Variants in SLC27A1 observed in about 807,000 individuals in gnomAD.
The protein encoded by SLC27A1 is solute carrier family 27 member 1.
A neutral mutation model predicts 62.2 loss-of-function variants in SLC27A1; 61 were observed. The ratio of observed to expected loss-of-function variants is 0.98; its 90% CI spans 0.80 to 1.21. The LOEUF (loss-of-function observed/expected upper bound fraction) is 1.21, where lower values mean the gene tolerates loss of function less well. Among genes scored for constraint, SLC27A1 ranks in the 50% most tolerant of loss-of-function variants. The pLI, the probability that SLC27A1 is intolerant of heterozygous loss-of-function variation, is 0.00. For synonymous variants in SLC27A1, 435 were observed against 408.6 expected (o/e 1.06, Z -0.78); for missense variants, 903 against 932.1 (o/e 0.97, Z 0.41).
chr19:17,477,240 C>CTTTTTTTTTGTTTTTTTTTTTTT (rs2075132525), intron 1 of SLC27A1, among the ~76,000 whole-genome samples: 1 of 43,806 alleles, frequency 2.3e-5, no homozygotes, highest in Non-Finnish European at 4.0e-5. Context: ...ATGAGCAGCG[C>CTTTTTTTTTGTTTTTTTTTTTTT]TTTTTTTTTT....
chr19:17,494,602 C>T (rs777005678), intron 6 of SLC27A1, among the ~76,000 whole-genome samples: 4 of 152,066 alleles, frequency 2.6e-5, no homozygotes, highest in Non-Finnish European at 4.4e-5. Context: ...GCTGAGATTA[C>T]AGGCGTGAGC....
rs916979689 is a variant in SLC27A1 at position 17,505,691 on chromosome 19, C to G, written c.*1079C>G. On this transcript the variant is annotated 3_prime_UTR_variant, in exon 12 of 12. Coordinates refer to ENST00000252595, the MANE Select transcript of SLC27A1 (RefSeq NM_198580.3). Reference sequence around the variant, plus strand: ...CCCTGAACCCTGCACTGCGTGGCTGCCCAGCCAGCTGCCTCCTGTCCTGGG... The same window carrying G: ...CCCTGAACCCTGCACTGCGTGGCTGGCCAGCCAGCTGCCTCCTGTCCTGGG... 2 of 152,826 alleles carry G rather than the reference C, an allele frequency of 1.3e-5. No homozygotes were observed. Among genetic ancestry groups the G allele is most frequent in the South Asian group, 2.1e-4 (1 of 4,840 alleles). 9.5% of individuals were successfully genotyped at this position (152,826 alleles called of 1,614,324 possible).
chr19:17,485,691 G>A (rs1286758096), intron 1 of SLC27A1, among the ~76,000 whole-genome samples: 1 of 151,776 alleles, frequency 6.6e-6, no homozygotes, highest in Admixed American at 6.6e-5. Flanking sequence ...TTAGTCGGGT[G>A]TGGTGGTGGG....
chr19:17,487,389 C>T (rs2144578697), intron 3 of SLC27A1, 54 bp downstream of exon 3: 1 of 912,926 alleles, frequency 1.1e-6, no homozygotes, highest in East Asian at 5.4e-5. Flanking sequence ...CCCGCCCAGG[C>T]CCCGCCCCCA....
chr19:17,494,911 G>A (rs897641217), intron 6 of SLC27A1, among the ~76,000 whole-genome samples: 3 of 151,828 alleles, frequency 2.0e-5, no homozygotes, highest in Admixed American at 6.6e-5. Context: ...GGTCCTCACC[G>A]GTTTTTCACG....
At chr19:17,470,422 C>A, upstream of SLC27A1, 1 of 1,210,894 alleles carries the variant, frequency 8.3e-7, no homozygotes, top group Non-Finnish European at 1.1e-6. Flanking sequence ...TCGCGGGGGG[C>A]GCAGAGCCGA....
Position 17,489,011 on chromosome 19 carries a change from A to G in SLC27A1, c.890A>G (p.Asn297Ser). The G allele has an allele frequency of 1.2e-6, 2 of 1,614,084 alleles. No individual in the cohort carries two copies. Among genetic ancestry groups the G allele is most frequent in the Non-Finnish European group, 1.7e-6 (2 of 1,179,996 alleles). Residue 297 changes from asparagine (N) to serine (S), a missense_variant, in exon 6 of 12, where the codon AAC becomes AGC. Asn to Ser is a conservative substitution (Grantham distance 46). Transcript: ENST00000252595. ...DCLPLYHSAG[N>S]IIGVGQCLIY... ...TTACCAAGGCCACCCTCTGCAGGAA[A>G]CATCATCGGCGTGGGGCAGTGTCTC...
At chr19:17,480,940 T>C (rs1170889608) in intron 1 of SLC27A1, among the ~76,000 whole-genome samples, 2 of 152,042 alleles carry the variant, frequency 1.3e-5, no homozygotes, top group Non-Finnish European at 2.9e-5. Flanking sequence ...TTTTTTTTTT[T>C]TTGAGATGGA....
chr19:17,484,223 G>T (rs944025324), intron 1 of SLC27A1: 1 of 152,178 alleles, frequency 6.6e-6, no homozygotes, highest in Non-Finnish European at 1.5e-5. Context: ...GGGAATGAAT[G>T]ATGGAGGGAA....
rs1235977459 is a variant in SLC27A1, at chr19:17,497,477, AGGGCCCCG to A, written c.1206+18_1206+25del. On this transcript the variant is annotated intron_variant, in intron 7 of 11. Transcript: ENST00000252595. ...CATGGACGGCAAGGTGCACACCGGC[AGGGCCCCG>A]GGGCAGGTCTCGGAGTTCAGGGAAG... 1 of 1,598,470 alleles carries A rather than the reference AGGGCCCCG, an allele frequency of 6.3e-7. No homozygotes were observed. The highest frequency in any genetic ancestry group is 1.7e-5 in the Admixed American group (1 of 58,556).
upstream of SLC27A1, among the ~76,000 whole-genome samples, chr19:17,469,825 T>C (rs1007736106): frequency 1.4e-5 from 2 of 138,720 alleles, no homozygotes; most frequent in Non-Finnish European, 3.1e-5. Context: ...GAACTTGGGC[T>C]AGGCCCGGAA....
Position 17,504,932 on chromosome 19 carries a change from G to A in SLC27A1, c.*320G>A. The A allele has an allele frequency of 4.2e-6, 2 of 480,852 alleles. No homozygotes were observed. Among genetic ancestry groups the A allele is most frequent in the East Asian group, 1.2e-4 (2 of 17,254 alleles). The allele number at this position is 480,852 out of a possible 1,614,324, so 29.8% of individuals were successfully genotyped here. ...TTTTAAGATAGAGTCTCACTCTGCT[G>A]CCCGGGCTAGAGTGCAGTGGTGGGA... On this transcript the variant is annotated 3_prime_UTR_variant, in exon 12 of 12. Coordinates refer to ENST00000252595, the MANE Select transcript of SLC27A1 (RefSeq NM_198580.3).
Position 17,501,386 on chromosome 19 carries a change from T to C in SLC27A1, c.1750T>C (p.Phe584Leu), listed in dbSNP as rs1294352215. 8 of 1,613,684 alleles carry C rather than the reference T, an allele frequency of 5.0e-6. No individual in the cohort carries two copies. The highest frequency in any genetic ancestry group is 6.8e-6 in the Non-Finnish European group (8 of 1,179,932). The part of the protein sequence containing the change: ...KVLAPYARPI[F>L]LRLLPQVDTT... ...GCTGGCACCCTATGCCCGGCCCATCTTCCTGCGCCTCCTGCCCCAGGTGGA... is the reference window on the plus strand; with the variant it reads ...GCTGGCACCCTATGCCCGGCCCATCCTCCTGCGCCTCCTGCCCCAGGTGGA... The change falls in exon 11 of 12, where the codon TTC becomes CTC. Residue 584 changes from phenylalanine to leucine, a missense_variant. Transcript: ENST00000252595.
Position 17,487,211 on chromosome 19 carries a change from G to C in SLC27A1, c.600G>C (p.Leu200Phe). ...TGAGCGGGCATCTGGGGAAAAGTTT[G>C]ATCAAGTTCTGCTCTGGAGACTTGG... ...AEVSGHLGKSLIKFCSGDLGP... is the reference protein window; with the variant it reads ...AEVSGHLGKSFIKFCSGDLGP... Residue 200 changes from leucine (L) to phenylalanine (F), a missense_variant, in exon 3 of 12, where the codon TTG becomes TTC. Leu to Phe is a conservative substitution (Grantham distance 22, BLOSUM62 0). Transcript: ENST00000252595. 5.6e-6 allele frequency: 9 copies of C among 1,614,118 alleles called. No individual in the cohort carries two copies. Among genetic ancestry groups the C allele is most frequent in the Non-Finnish European group, 6.8e-6 (8 of 1,179,988 alleles).
intron 11 of SLC27A1, among the ~76,000 whole-genome samples, chr19:17,503,179 TC>T (rs756664495): frequency 6.6e-6 from 1 of 152,000 alleles, no homozygotes; most frequent in Non-Finnish European, 1.5e-5. Context: ...TCCCACCGGG[TC>T]CCTCCCACAA....
At chr19:17,479,841 G>A (rs1434031243) in intron 1 of SLC27A1, among the ~76,000 whole-genome samples, 3 of 151,982 alleles carry the variant, frequency 2.0e-5, no homozygotes, top group African/African-American at 7.2e-5. Context: ...ACGGAGTTTT[G>A]CCATGTTGGC....
chr19:17,470,214 C>A (rs1037119463), upstream of SLC27A1, among the ~76,000 whole-genome samples: 5 of 151,052 alleles, frequency 3.3e-5, no homozygotes, highest in African/African-American at 7.3e-5. Context: ...AGGATGGGCT[C>A]AAAAATATGG....
In SLC27A1 at chr19:17,496,969, G is replaced by A. The variant is rs2075356193; in HGVS notation, c.997-286G>A. 8.5e-6 allele frequency: 3 copies of A among 353,300 alleles called. No individual in the cohort carries two copies. In the East Asian group the frequency reaches 1.7e-4, roughly 20 times the overall value. 21.9% of individuals were successfully genotyped at this position (353,300 alleles called of 1,614,324 possible). ...ACCCAGGAGTTAGAGGCTGCAGTGA[G>A]CTGTGATCATGCCACTGCACTCCAG... On this transcript the variant is annotated intron_variant, in intron 6 of 11. Transcript: ENST00000252595.
At chr19:17,500,468 G>A (rs780043089) in intron 8 of SLC27A1, 27 bp from the exon 9 acceptor site, 25 of 1,612,910 alleles carry the variant, frequency 1.5e-5, no homozygotes, top group South Asian at 4.4e-5. Context: ...CCTGCCTAGC[G>A]CAGCCTGAAC....
Sources: gnomAD v4.1 joint callset for allele counts (sites outside exome capture counted in the v4.1 genomes callset) on GRCh38, gnomAD v4.1.1 for gene constraint, MANE v1.5 for transcripts, NCBI Gene and HGNC (gene_info 2026-07-23, HGNC 2026-07-21) for gene names.